FBXO38: variants seen among roughly 807,000 people sequenced by gnomAD.
FBXO38 encodes F-box only protein 38.
A neutral mutation model predicts 131.9 loss-of-function variants in FBXO38; 53 were observed. The ratio of observed to expected loss-of-function variants is 0.40; its 90% CI spans 0.32 to 0.51. The LOEUF (loss-of-function observed/expected upper bound fraction) is 0.51, where lower values mean the gene tolerates loss of function less well. FBXO38 is among the 20% of genes least tolerant of loss of function. The pLI, the probability that FBXO38 is intolerant of heterozygous loss-of-function variation, is 0.53. For synonymous variants in FBXO38, 452 were observed against 505.6 expected, an observed-to-expected ratio of 0.89 and a Z score of 1.42; for missense variants, 1,076 against 1,475.6, an observed-to-expected ratio of 0.73 and a Z score of 4.44.
In FBXO38 at chr5:148,411,003, G is replaced by T. The variant is rs908108826; in HGVS notation, c.1093+238G>T. ...AGTTACTAACAATACACCAGAAAAA[G>T]AACCTTATCTACATTTGATATTGTC... On this transcript the variant is annotated intron_variant, in intron 9 of 21. Transcript: ENST00000340253. The T allele has an allele frequency of 2.2e-5, 9 of 414,586 alleles. 1 individual carries two copies. The highest frequency in any genetic ancestry group is 4.2e-5 in the South Asian group (1 of 23,760). The allele number at this position is 414,586 out of a possible 1,614,324, so 25.7% of individuals were successfully genotyped here.
chr5:148,415,993 T>G lies in FBXO38; in HGVS notation c.1330T>G (p.Ser444Ala). 6.2e-7 allele frequency: 1 copy of G among 1,613,398 alleles called. No individual in the cohort carries two copies. Among genetic ancestry groups the G allele is most frequent in the Non-Finnish European group, 8.5e-7 (1 of 1,179,590 alleles). ...ACGGTGCCATGCTTTGAAGCTGGACTCTTTTGGCCAGTTTATTGAATTATT... is the reference window on the plus strand; with the variant it reads ...ACGGTGCCATGCTTTGAAGCTGGACGCTTTTGGCCAGTTTATTGAATTATT... ...LVRCHALKLDSFGQFIELLPS... is the reference protein window; with the variant it reads ...LVRCHALKLDAFGQFIELLPS... The change falls in exon 11 of 22, where the codon TCT (serine) becomes GCT (alanine). Residue 444 changes from serine (S) to alanine (A), a missense_variant. Transcript: ENST00000340253.
At chr5:148,436,158 C>T (rs1581304474) in intron 17 of FBXO38, among the ~76,000 whole-genome samples, 1 of 152,182 alleles carries the variant, frequency 6.6e-6, no homozygotes, top group East Asian at 1.9e-4. Flanking sequence ...AGTAGATGCT[C>T]AATTCATGGT....
In FBXO38 at chr5:148,427,878, GACTA is replaced by G; in HGVS notation, c.2585_2588del (p.Asp862AlafsTer6). 1 of 1,562,356 alleles carries G rather than the reference GACTA, an allele frequency of 6.4e-7. No homozygotes were observed. Among genetic ancestry groups the G allele is most frequent in the Non-Finnish European group, 8.6e-7 (1 of 1,156,986 alleles). ...GAGTTGTGACGTGCAGTCTAATGAA[GACTA>G]CCCTCGGAGGCCCCTAACCAGGGCC... is the stretch of plus-strand genomic sequence containing the variant. On this transcript the variant is annotated frameshift_variant, in exon 15 of 22. Transcript: ENST00000340253. LOFTEE classifies it high-confidence loss of function.
intron 12 of FBXO38, among the ~76,000 whole-genome samples, chr5:148,421,202 G>A (rs1046540123): frequency 1.1e-4 from 16 of 152,150 alleles, no homozygotes; most frequent in African/African-American, 3.6e-4. Context: ...TCAACCTCAC[G>A]ATCCGCCCAC....
intron 12 of FBXO38, among the ~76,000 whole-genome samples, chr5:148,421,612 T>G (rs1326134739): frequency 4.9e-5 from 4 of 80,870 alleles, no homozygotes; most frequent in Non-Finnish European, 8.3e-5. Flanking sequence ...TGATTCTAAG[T>G]TAGCATACAT....
intron 3 of FBXO38, 158 bp downstream of exon 3, chr5:148,399,290 T>A: frequency 1.3e-6 from 1 of 751,946 alleles, no homozygotes; most frequent in Non-Finnish European, 2.1e-6. Context: ...TTTTAGGTTG[T>A]AAAATGCGTT....
At chr5:148,440,368 G>A (rs1242644291) in intron 19 of FBXO38, 56 bp from the exon 20 acceptor site, 18 of 1,067,878 alleles carry the variant, frequency 1.7e-5, no homozygotes, top group Non-Finnish European at 2.6e-5. Context: ...CTTCCTACCC[G>A]ACACTAATTA....
intron 12 of FBXO38, 78 bp from the exon 13 acceptor site, chr5:148,423,920 G>A: frequency 7.3e-7 from 1 of 1,374,922 alleles, no homozygotes. Context: ...TCAGTTCTTA[G>A]GGCGGCCACA....
At chr5:148,404,324 G>A (rs1052327598) in intron 5 of FBXO38, among the ~76,000 whole-genome samples, 4 of 152,094 alleles carry the variant, frequency 2.6e-5, no homozygotes, top group Non-Finnish European at 4.4e-5. Context: ...CATCTCCATC[G>A]TTATAGTTTT....
chr5:148,434,820 G>GGT (rs1303692978), intron 17 of FBXO38: 3 of 152,152 alleles, frequency 2.0e-5, no homozygotes, highest in Non-Finnish European at 4.4e-5. Context: ...GGCCAGGCAC[G>GGT]GTGGCTCACG....
Position 148,442,184 on chromosome 5 carries a change from G to A in FBXO38, c.*37G>A, listed in dbSNP as rs1210000802. On this transcript the variant is annotated 3_prime_UTR_variant, in exon 22 of 22. Transcript: ENST00000340253. ...TCCTTTCCAGCTATTTTGTCAGAAA[G>A]CAAGTAGGGCCATCCAGCTGCCAGA... The A allele has an allele frequency of 6.3e-7, 1 of 1,594,454 alleles. No individual in the cohort carries two copies. The highest frequency in any genetic ancestry group is 8.6e-7 in the Non-Finnish European group (1 of 1,166,164).
At chr5:148,413,940 T>G in intron 9 of FBXO38, 196 bp from the exon 10 acceptor site, 2 of 426,688 alleles carry the variant, frequency 4.7e-6, no homozygotes, top group Non-Finnish European at 4.1e-6. Context: ...TTAATATAAT[T>G]TATTATTTTG....
chr5:148,422,712 G>A (rs1753509917), intron 12 of FBXO38, among the ~76,000 whole-genome samples: 1 of 152,146 alleles, frequency 6.6e-6, no homozygotes, highest in East Asian at 1.9e-4. Context: ...GTTTGCACAG[G>A]CTATTCTGGC....
In FBXO38 at chr5:148,425,390, A is replaced by G. The variant is rs185930356; in HGVS notation, c.1739-132A>G. 249 of 636,980 alleles carry G rather than the reference A, an allele frequency of 3.9e-4. No individual in the cohort carries two copies. In the East Asian group the frequency reaches 6.2e-3, roughly 16 times the overall value. 39.5% of individuals were successfully genotyped at this position (636,980 alleles called of 1,614,324 possible). Reference sequence around the variant, plus strand: ...ATCTTATCCAAGTGCATTATCAGTTAAAATGTGTGCCAGGGGAGGCTGTAT... The same window carrying G: ...ATCTTATCCAAGTGCATTATCAGTTGAAATGTGTGCCAGGGGAGGCTGTAT... On this transcript the variant is annotated intron_variant, in intron 13 of 21. Transcript: ENST00000340253.
At chr5:148,402,708 C>CA (rs144925587) in intron 5 of FBXO38, 195 bp downstream of exon 5, 5,276 of 455,056 alleles carry the variant, frequency 0.012, 249 homozygotes, top group African/African-American at 0.093. Context: ...TACTGCTTCA[C>CA]AAGTGTACAT....
chr5:148,440,345 G>A (rs925582410), intron 19 of FBXO38, 79 bp from the exon 20 acceptor site: 1 of 858,716 alleles, frequency 1.2e-6, no homozygotes, highest in South Asian at 1.5e-5. Flanking sequence ...GTCCGAAACA[G>A]TTTTGATGGT....
rs1753099051 is a variant in FBXO38, at chr5:148,417,079, A to G, written c.1493A>G (p.Asp498Gly). The change falls in exon 12 of 22, where the codon GAT (aspartate) becomes GGT (glycine). Residue 498 changes from aspartate to glycine, a missense_variant. Asp to Gly is a moderately conservative substitution (Grantham distance 94). Transcript: ENST00000340253. ...AGCAACCAGAACTCCAACAATGACG[A>G]TAATAATGCCCAGAATAACAATGCC... The part of the protein sequence containing the change: ...LVSNQNSNND[D>G]NNAQNNNANI... 2 of 1,613,578 alleles carry G rather than the reference A, an allele frequency of 1.2e-6. No individual in the cohort carries two copies. Among genetic ancestry groups the G allele is most frequent in the African/African-American group, 1.3e-5 (1 of 75,012 alleles).
chr5:148,427,498 G>A lies in FBXO38; in HGVS notation c.2204G>A (p.Gly735Asp). The change falls in exon 15 of 22, where the codon GGC becomes GAC. Residue 735 changes from glycine to aspartate, a missense_variant. Coordinates refer to ENST00000340253, the MANE Select transcript of FBXO38 (RefSeq NM_205836.3). Reference sequence around the variant, plus strand: ...TTTGTAAGGACGGTGAACAGCGGCGGCTCTTCCGAGCCTAGCCCTACAGAA... The same window carrying A: ...TTTGTAAGGACGGTGAACAGCGGCGACTCTTCCGAGCCTAGCCCTACAGAA... ...PDFVRTVNSG[G>D]SSEPSPTEVD... is the part of the protein sequence containing the mutation. 1.2e-6 allele frequency: 2 copies of A among 1,614,172 alleles called. No individual in the cohort carries two copies. The highest frequency in any genetic ancestry group is 1.7e-6 in the Non-Finnish European group (2 of 1,180,028).
At chr5:148,436,480 A>G (rs1212590193) in intron 17 of FBXO38, among the ~76,000 whole-genome samples, 1 of 152,186 alleles carries the variant, frequency 6.6e-6, no homozygotes, top group Admixed American at 6.5e-5. Context: ...GATTAGGGTA[A>G]GTATATAATG....
Sources: allele counts gnomAD v4.1 joint callset (sites outside exome capture counted in the v4.1 genomes callset), GRCh38; gene constraint gnomAD v4.1.1; transcripts MANE v1.5; gene names NCBI Gene and HGNC (gene_info 2026-07-23, HGNC 2026-07-21).